The following CHST9 variants were observed in gnomAD, a reference collection of about 807,000 sequenced individuals.
The protein encoded by CHST9 is carbohydrate sulfotransferase 9.
CHST9 carries 41 observed loss-of-function variants against 44.4 expected under a neutral mutation model. The ratio of observed to expected loss-of-function variants is 0.92; its 90% CI spans 0.72 to 1.20. The LOEUF is 1.20. Ranked by LOEUF, CHST9 falls within the 50% of genes most tolerant of loss-of-function variation. CHST9 has a pLI of 0.00. For missense variants in CHST9, 504 were observed against 516.5 expected (o/e 0.98, Z 0.23); for synonymous variants, 171 against 178.4 (o/e 0.96, Z 0.33).
At chr18:27,146,937 TA>T (rs1251264028) in intron 1 of CHST9, among the ~76,000 whole-genome samples, 1 of 152,222 alleles carries the variant, frequency 6.6e-6, no homozygotes, top group Non-Finnish European at 1.5e-5. Context: ...GTTTAAAAAT[TA>T]TTTTTTTAAA....
At chr18:27,033,989 C>T (rs1417356192) in intron 3 of CHST9, among the ~76,000 whole-genome samples, 1 of 152,206 alleles carries the variant, frequency 6.6e-6, no homozygotes, top group Non-Finnish European at 1.5e-5. Context: ...TTCATTCCTT[C>T]TTCAAACATT....
At chr18:27,134,963 A>G (rs2058501530) in intron 2 of CHST9, among the ~76,000 whole-genome samples, 1 of 152,192 alleles carries the variant, frequency 6.6e-6, no homozygotes, top group Non-Finnish European at 1.5e-5. Context: ...CAAGACATCT[A>G]TGGTACACTA....
At chr18:27,090,766 T>C (rs1375589197) in intron 2 of CHST9, among the ~76,000 whole-genome samples, 11 of 152,102 alleles carry the variant, frequency 7.2e-5, no homozygotes, top group Admixed American at 7.2e-4. Flanking sequence ...AGATGTGTGG[T>C]GTTATTTCTG....
At chr18:27,139,581 G>GGC (rs1192563533) in intron 2 of CHST9, among the ~76,000 whole-genome samples, 10 of 151,922 alleles carry the variant, frequency 6.6e-5, no homozygotes, top group African/African-American at 2.4e-4. Flanking sequence ...CCTAGTATAA[G>GGC]GCAGAACTTC....
chr18:26,907,144 A>C lies in CHST9; in HGVS notation c.*9115T>G, dbSNP rs922468593. On this transcript the variant is annotated 3_prime_UTR_variant, in exon 6 of 6. Coordinates refer to ENST00000618847, the MANE Select transcript of CHST9 (RefSeq NM_031422.6). ...AGAGTTGTAGACAGGAGAAGGTGAG[A>C]GTCTGAACTTAGATATTAGCAGAAT... The C allele has an allele frequency of 6.6e-6, 1 of 152,408 alleles. No homozygotes were observed. Among genetic ancestry groups the C allele is most frequent in the Non-Finnish European group, 1.5e-5 (1 of 68,086 alleles). 9.4% of individuals were successfully genotyped at this position (152,408 alleles called of 1,614,324 possible).
At chr18:26,975,725 G>GTATATATA (rs59671204) in intron 4 of CHST9, among the ~76,000 whole-genome samples, 160 of 101,762 alleles carry the variant, frequency 1.6e-3, no homozygotes, top group South Asian at 2.6e-3. Flanking sequence ...GTGTGTGTGT[G>GTATATATA]TATATATATA....
At position 26,915,240 on chromosome 18, in the gene CHST9, T is replaced by C. The variant is rs2055496961; in HGVS notation, c.*1019A>G. The C allele has an allele frequency of 2.9e-6, 1 of 348,970 alleles. No homozygotes were observed. Among genetic ancestry groups the C allele is most frequent in the South Asian group, 1.5e-4 (1 of 6,600 alleles). 21.6% of individuals were successfully genotyped at this position (348,970 alleles called of 1,614,324 possible). ...TCTAGAACATAACCTATCTTTGAAG[T>C]GGTATATTAGTTTTTAAAAAGTCAT... On this transcript the variant is annotated 3_prime_UTR_variant, in exon 6 of 6. Coordinates refer to ENST00000618847, the MANE Select transcript of CHST9 (RefSeq NM_031422.6).
chr18:27,036,894 A>T (rs2057395657), intron 3 of CHST9, among the ~76,000 whole-genome samples: 1 of 152,140 alleles, frequency 6.6e-6, no homozygotes, highest in Admixed American at 6.6e-5. Context: ...TCTAGAACTT[A>T]TCAGGGGCTG....
At chr18:27,119,600 C>G (rs993000422) in intron 2 of CHST9, among the ~76,000 whole-genome samples, 1 of 150,084 alleles carries the variant, frequency 6.7e-6, no homozygotes, top group African/African-American at 2.4e-5. Context: ...TTGTTTATGT[C>G]TATACTTAGG....
intron 1 of CHST9, among the ~76,000 whole-genome samples, chr18:27,166,486 T>C (rs1455997804): frequency 2.6e-5 from 4 of 152,202 alleles, no homozygotes; most frequent in Non-Finnish European, 5.9e-5. Context: ...CTTGGGTTGA[T>C]CTCTGTTCTT....
In CHST9 at chr18:27,048,500, C is replaced by A. The variant is rs199567643; in HGVS notation, c.125G>T (p.Arg42Ile). The A allele has an allele frequency of 4.4e-6, 7 of 1,604,750 alleles. No individual in the cohort carries two copies. Among genetic ancestry groups the A allele is most frequent in the East Asian group, 2.3e-5 (1 of 44,404 alleles). The change falls in exon 3 of 6, where the codon AGA becomes ATA. Residue 42 changes from arginine (R) to isoleucine (I), a missense_variant. Coordinates refer to ENST00000618847, the MANE Select transcript of CHST9 (RefSeq NM_031422.6). ...QVWIEEQHTGRVEKRREQKVT... is the reference protein window; with the variant it reads ...QVWIEEQHTGIVEKRREQKVT... ...TTTTTGTTCTCTTCTCTTCTCCACTCTCCCTGAAATGAGAAGTGGAAGATA... is the reference window on the plus strand; with the variant it reads ...TTTTTGTTCTCTTCTCTTCTCCACTATCCCTGAAATGAGAAGTGGAAGATA...
At chr18:26,936,154 A>C (rs1415253937) in intron 5 of CHST9, 2 of 152,206 alleles carry the variant, frequency 1.3e-5, no homozygotes, top group African/African-American at 4.8e-5. Context: ...CATATATACA[A>C]CACGAATTCC....
intron 4 of CHST9, among the ~76,000 whole-genome samples, chr18:27,023,859 T>G (rs2057252843): frequency 6.6e-6 from 1 of 152,226 alleles, no homozygotes; most frequent in Admixed American, 6.5e-5. Context: ...TATATATAAC[T>G]GAAATCAGTC....
At chr18:26,933,900 G>A (rs956072514) in intron 5 of CHST9, among the ~76,000 whole-genome samples, 13 of 152,208 alleles carry the variant, frequency 8.5e-5, no homozygotes, top group Non-Finnish European at 1.3e-4. Flanking sequence ...ACGTTAAATA[G>A]ATGTCCAAGG....
intron 4 of CHST9, among the ~76,000 whole-genome samples, chr18:26,981,500 A>T (rs1383314020): frequency 6.6e-6 from 1 of 152,228 alleles, no homozygotes; most frequent in Non-Finnish European, 1.5e-5. Context: ...ACTAATTTCC[A>T]TTGTAATGAG....
intron 3 of CHST9, among the ~76,000 whole-genome samples, chr18:27,038,182 A>T (rs2057409208): frequency 6.6e-6 from 1 of 152,220 alleles, no homozygotes; most frequent in South Asian, 2.1e-4. Context: ...CTAGAAAAGT[A>T]AATTTTAAAA....
intron 5 of CHST9, chr18:26,933,620 T>C (rs1275172578): frequency 6.5e-6 from 1 of 153,744 alleles, no homozygotes; most frequent in Non-Finnish European, 1.5e-5. Flanking sequence ...GTCCAGATTA[T>C]TACCTCAGCT....
intron 4 of CHST9, among the ~76,000 whole-genome samples, chr18:26,996,196 C>G (rs1464321052): frequency 4.6e-5 from 7 of 152,194 alleles, no homozygotes; most frequent in Admixed American, 4.6e-4. Context: ...ACCATTCTTA[C>G]ACTCTCATTC....
intron 5 of CHST9, chr18:26,925,874 T>C (rs1193509901): frequency 2.0e-5 from 3 of 152,168 alleles, no homozygotes; most frequent in Non-Finnish European, 2.9e-5. Flanking sequence ...TAAGTATTTG[T>C]TTTTTATTCT....
Sources: gnomAD v4.1 joint callset for allele counts (sites outside exome capture counted in the v4.1 genomes callset) on GRCh38, gnomAD v4.1.1 for gene constraint, MANE v1.5 for transcripts, NCBI Gene and HGNC (gene_info 2026-07-23, HGNC 2026-07-21) for gene names.